VAV1: variants seen among roughly 807,000 people sequenced by gnomAD.
The protein encoded by VAV1 is vav guanine nucleotide exchange factor 1, also known as proto-oncogene vav.
Under a neutral mutation model 128.1 loss-of-function variants are expected in VAV1, and 33 were observed. That is an observed-to-expected ratio of 0.26 (90% CI 0.20 to 0.34). The LOEUF is 0.34. Ranked by LOEUF, VAV1 falls within the 10% of genes least tolerant of loss-of-function variation. The pLI is 1.00. For missense variants in VAV1, 715 were observed against 1,093.7 expected, an observed-to-expected ratio of 0.65 and a Z score of 4.88; for synonymous variants, 394 against 409.8, an observed-to-expected ratio of 0.96 and a Z score of 0.47.
intron 22 of VAV1, among the ~76,000 whole-genome samples, chr19:6,845,254 G>T (rs1295442985): frequency 6.6e-6 from 1 of 152,094 alleles, no homozygotes; most frequent in African/African-American, 2.4e-5. Context: ...GCATGGTGGC[G>T]CACGCCTGTA....
At position 6,826,252 on chromosome 19, in the gene VAV1, C is replaced by T. The variant is rs937650925; in HGVS notation, c.828-360C>T. ...ACTCGGGGGGCTGAAGCAGGAGAAT[C>T]GCTTGAACCCGGGAGATGGAGGTTG... On this transcript the variant is annotated intron_variant, in intron 8 of 26. Transcript: ENST00000602142. This position sits in a 1 kb window ranked among gnomAD's most constrained non-coding sequence, Gnocchi z 4.1. Among the ~76,000 whole-genome samples, 5 of 150,800 alleles carry T rather than the reference C, an allele frequency of 3.3e-5. No homozygotes were observed. The highest frequency in any genetic ancestry group is 2.0e-4 in the East Asian group (1 of 5,114).
rs71177123 is a variant in VAV1, at chr19:6,844,063, C to CTTTTTTTTTTTTTTTTTTTTTTTTTTT, written c.2012+912_2012+938dup. Among the ~76,000 whole-genome samples the CTTTTTTTTTTTTTTTTTTTTTTTTTTT allele has an allele frequency of 2.1e-3, 45 of 21,326 alleles. 17 individuals are homozygous for CTTTTTTTTTTTTTTTTTTTTTTTTTTT. The highest frequency in any genetic ancestry group is 5.5e-3 in the Admixed American group (7 of 1,274). 14.0% of individuals were successfully genotyped at this position (21,326 alleles called of 152,430 possible). On this transcript the variant is annotated intron_variant, in intron 22 of 26. Transcript: ENST00000602142. ...ACTTTCTTCTTTTCTTCTTCTTCTTCTTTTTTTTTTTTTTTTTTTTTTTTT... is the reference window on the plus strand; with the variant it reads ...ACTTTCTTCTTTTCTTCTTCTTCTTCTTTTTTTTTTTTTTTTTTTTTTTTTTTTTTTTTTTTTTTTTTTTTTTTTTTT...
chr19:6,789,551 C>G (rs1970971661), intron 1 of VAV1, among the ~76,000 whole-genome samples: 1 of 147,362 alleles, frequency 6.8e-6, no homozygotes, highest in Non-Finnish European at 1.5e-5. Flanking sequence ...GCACCCGGCT[C>G]TTTCCTTTCT....
At chr19:6,810,961 T>A (rs1399112881) in intron 1 of VAV1, among the ~76,000 whole-genome samples, 1 of 152,216 alleles carries the variant, frequency 6.6e-6, no homozygotes, top group Non-Finnish European at 1.5e-5. Context: ...TGCTTTCAAC[T>A]GTTGTTCCAA....
intron 1 of VAV1, among the ~76,000 whole-genome samples, chr19:6,789,603 C>T (rs1360832366): frequency 1.3e-5 from 2 of 151,268 alleles, no homozygotes; most frequent in Non-Finnish European, 2.9e-5. Flanking sequence ...CTCCTTCCTT[C>T]CTTCCTTCCT....
Position 6,822,227 on chromosome 19 carries a change from G to A in VAV1, c.456G>A (p.Thr152=), listed in dbSNP as rs151088451. The A allele has an allele frequency of 3.2e-6, 5 of 1,580,566 alleles. No individual in the cohort carries two copies. The highest frequency in any genetic ancestry group is 4.3e-6 in the Non-Finnish European group (5 of 1,164,444). ...CTGACCTCACAACCCACAGCGACAC[G>A]GTGGAGGAGGATGAGGACCTGTATG... ...YSGLSDQIDD[T]VEEDEDLYDC... Residue 152 remains threonine, a synonymous_variant, in exon 5 of 27, where the codon ACG becomes ACA. Transcript: ENST00000602142. The surrounding 1 kb of genome is among the most constrained non-coding windows in gnomAD (Gnocchi z 5.9).
rs567443407 is a variant in VAV1, at chr19:6,776,799, C to T, written c.204+3788C>T. Among the ~76,000 whole-genome samples, 9 of 151,940 alleles carry T rather than the reference C, an allele frequency of 5.9e-5. No individual in the cohort carries two copies. The South Asian group carries it at 1.7e-3, about 28-fold the overall frequency. ...TATTTACGGCGTCTCACTCTGTCACCCAGGCTGGAGTGCAGGGGCATGATC... is the reference window on the plus strand; with the variant it reads ...TATTTACGGCGTCTCACTCTGTCACTCAGGCTGGAGTGCAGGGGCATGATC... On this transcript the variant is annotated intron_variant, in intron 1 of 26. Transcript: ENST00000602142.
intron 1 of VAV1, among the ~76,000 whole-genome samples, chr19:6,783,307 T>C (rs922895592): frequency 3.3e-5 from 5 of 152,032 alleles, no homozygotes; most frequent in South Asian, 2.1e-4. Context: ...ATGTCAGGGG[T>C]TGGGGGAGGA....
intron 23 of VAV1, among the ~76,000 whole-genome samples, chr19:6,850,321 C>G (rs1335293244): frequency 7.2e-6 from 1 of 139,496 alleles, no homozygotes; most frequent in African/African-American, 2.7e-5. Flanking sequence ...ACCATGTTGA[C>G]AGAAATGGGT....
chr19:6,810,639 A>C (rs1326715453), intron 1 of VAV1, among the ~76,000 whole-genome samples: 2 of 151,982 alleles, frequency 1.3e-5, no homozygotes, highest in African/African-American at 4.8e-5. Flanking sequence ...CAGGAGGCGG[A>C]GGTTGCAGTG....
At chr19:6,810,416 T>G (rs1599643930) in intron 1 of VAV1, among the ~76,000 whole-genome samples, 1 of 152,068 alleles carries the variant, frequency 6.6e-6, no homozygotes, top group Admixed American at 6.6e-5. Flanking sequence ...GAAATTACTC[T>G]AACTTGGCCG....
At chr19:6,833,451 C>T in intron 16 of VAV1, 77 bp from the exon 17 acceptor site, 1 of 1,470,680 alleles carries the variant, frequency 6.8e-7, no homozygotes. Flanking sequence ...CAAGGGGTCC[C>T]TTTATGTTTT....
chr19:6,833,645 T>C lies in VAV1; in HGVS notation c.1708+20T>C. On this transcript the variant is annotated intron_variant, in intron 17 of 26. Transcript: ENST00000602142. Reference sequence around the variant, plus strand: ...GGCAAGGTACGAGTGGGAGGGAGGCTGGGAGGTGAGCTTGGTTCTCTTTGG... The same window carrying C: ...GGCAAGGTACGAGTGGGAGGGAGGCCGGGAGGTGAGCTTGGTTCTCTTTGG... 1 of 1,614,076 alleles carries C rather than the reference T, an allele frequency of 6.2e-7. No individual in the cohort carries two copies. Among genetic ancestry groups the C allele is most frequent in the Non-Finnish European group, 8.5e-7 (1 of 1,179,998 alleles).
At chr19:6,854,207 T>A in intron 26 of VAV1, 109 bp downstream of exon 26, 1 of 1,408,636 alleles carries the variant, frequency 7.1e-7, no homozygotes, top group Non-Finnish European at 9.6e-7. Context: ...CATGGAGATC[T>A]CTCACGGTGG....
chr19:6,798,850 C>G (rs911581453), intron 1 of VAV1, among the ~76,000 whole-genome samples: 1 of 152,014 alleles, frequency 6.6e-6, no homozygotes, highest in Non-Finnish European at 1.5e-5. Context: ...AACTATGAAC[C>G]CAGCCTTGAA....
intron 1 of VAV1, among the ~76,000 whole-genome samples, chr19:6,790,856 G>A (rs749185598): frequency 2.6e-5 from 4 of 152,300 alleles, no homozygotes; most frequent in Middle Eastern, 3.4e-3. Context: ...GCCATGGAAG[G>A]GGGCATCAGC....
chr19:6,784,854 C>T (rs2144701450), intron 1 of VAV1, among the ~76,000 whole-genome samples: 1 of 152,284 alleles, frequency 6.6e-6, no homozygotes, highest in East Asian at 1.9e-4. Context: ...TGTCACCTTT[C>T]AGGACTTTCA....
Position 6,833,539 on chromosome 19 carries a change from A to G in VAV1, c.1622A>G (p.Tyr541Cys). ...ACQMLLRGTF[Y>C]QGYRCHRCRA... ...TCCCTGCATCTCAGAGGTACCTTCT[A>G]TCAGGGCTACCGCTGCCATCGGTGC... The change falls in exon 17 of 27, where the codon TAT becomes TGT. Residue 541 changes from tyrosine (Y) to cysteine (C), a missense_variant. Around this residue, in one of 3 missense-constraint regions of VAV1, gnomAD observed 407 missense variants for 580.6 expected, o/e 0.70. Coordinates refer to ENST00000602142, the MANE Select transcript of VAV1 (RefSeq NM_005428.4). 5 of 1,605,884 alleles carry G rather than the reference A, an allele frequency of 3.1e-6. No individual in the cohort carries two copies. The highest frequency in any genetic ancestry group is 4.3e-6 in the Non-Finnish European group (5 of 1,175,084).
intron 1 of VAV1, among the ~76,000 whole-genome samples, chr19:6,803,480 C>A: frequency 6.6e-6 from 1 of 152,114 alleles, no homozygotes; most frequent in Non-Finnish European, 1.5e-5. Context: ...CAATTTGGTC[C>A]GTTGTCTGAG....
Sources: allele counts gnomAD v4.1 joint callset (sites outside exome capture counted in the v4.1 genomes callset), GRCh38; gene constraint gnomAD v4.1.1; regional missense constraint gnomAD v4.1.1; non-coding constraint Gnocchi (gnomAD v3.1); transcripts MANE v1.5; gene names NCBI Gene and HGNC (gene_info 2026-07-23, HGNC 2026-07-21).